The following ATL2 variants were observed in gnomAD, a reference collection of about 807,000 sequenced individuals.
ATL2 encodes the protein atlastin-2.
Under a neutral mutation model 73.9 loss-of-function variants are expected in ATL2, and 31 were observed. The observed-to-expected ratio is 0.42, with a 90% confidence interval of 0.32 to 0.57. The LOEUF (loss-of-function observed/expected upper bound fraction) is 0.57, where lower values mean the gene tolerates loss of function less well. Ranked by LOEUF, ATL2 falls within the 20% of genes least tolerant of loss-of-function variation. The probability of loss-of-function intolerance (pLI) is 0.14; values close to 1 mark genes in which losing one functional copy is unlikely to be tolerated. For synonymous variants in ATL2, 291 were observed against 237.5 expected (o/e 1.23, Z -2.07); for missense variants, 738 against 702.6 (o/e 1.05, Z -0.57).
At chr2:38,325,064 TA>T (rs1668521102) in intron 2 of ATL2, among the ~76,000 whole-genome samples, 1 of 152,172 alleles carries the variant, frequency 6.6e-6, no homozygotes, top group African/African-American at 2.4e-5. Context: ...ACCACAATTT[TA>T]AAAAAAGTTG....
intron 6 of ATL2, among the ~76,000 whole-genome samples, chr2:38,313,586 T>C (rs1667871016): frequency 6.6e-6 from 1 of 152,196 alleles, no homozygotes; most frequent in Admixed American, 6.5e-5. Flanking sequence ...GACCAACTAA[T>C]TCTAGATGGC....
At chr2:38,319,960 T>C (rs1032125306) in intron 2 of ATL2, among the ~76,000 whole-genome samples, 3 of 151,964 alleles carry the variant, frequency 2.0e-5, no homozygotes, top group African/African-American at 4.8e-5. Context: ...ATACAAAAAT[T>C]AGCCAGGTGT....
chr2:38,298,952 C>T (rs1016443404), intron 11 of ATL2, among the ~76,000 whole-genome samples: 5 of 152,174 alleles, frequency 3.3e-5, no homozygotes, highest in African/African-American at 1.2e-4. Flanking sequence ...GAAACTGCTA[C>T]TGGCCTTAAA....
chr2:38,337,622 G>GACACATA (rs1669446761), intron 2 of ATL2, among the ~76,000 whole-genome samples: 1 of 149,016 alleles, frequency 6.7e-6, no homozygotes, highest in Non-Finnish European at 1.5e-5. Flanking sequence ...ATTTTTAAGA[G>GACACATA]ACACATACTG....
intron 9 of ATL2, among the ~76,000 whole-genome samples, chr2:38,306,644 A>C (rs1190210769): frequency 1.3e-5 from 2 of 152,248 alleles, no homozygotes; most frequent in African/African-American, 4.8e-5. Flanking sequence ...AATGAAGAAC[A>C]AAAACCATAT....
At chr2:38,365,537 T>C (rs1390952505) in intron 1 of ATL2, among the ~76,000 whole-genome samples, 3 of 152,086 alleles carry the variant, frequency 2.0e-5, no homozygotes, top group Admixed American at 2.0e-4. Context: ...ACACCTGTAA[T>C]CTTAGCACTT....
intron 1 of ATL2, among the ~76,000 whole-genome samples, chr2:38,348,512 C>T (rs1429441703): frequency 6.6e-6 from 1 of 151,484 alleles, no homozygotes; most frequent in Non-Finnish European, 1.5e-5. Context: ...TAAAAAAGAA[C>T]TCAAAAGTAA....
At chr2:38,332,138 T>C (rs991205877) in intron 2 of ATL2, among the ~76,000 whole-genome samples, 1 of 151,856 alleles carries the variant, frequency 6.6e-6, no homozygotes, top group East Asian at 1.9e-4. Flanking sequence ...TTCCTTCAGG[T>C]TGAGGGTTTG....
intron 1 of ATL2, among the ~76,000 whole-genome samples, chr2:38,345,458 T>C (rs1669965460): frequency 6.6e-6 from 1 of 152,210 alleles, no homozygotes; most frequent in Admixed American, 6.5e-5. Context: ...CGAGGCACCT[T>C]TAACTGTATA....
chr2:38,347,753 A>C (rs1670106881), intron 1 of ATL2, among the ~76,000 whole-genome samples: 1 of 149,868 alleles, frequency 6.7e-6, no homozygotes, highest in Non-Finnish European at 1.5e-5. Context: ...CAGGAGTCTT[A>C]CATCTGCCCT....
At chr2:38,376,009 C>T in intron 1 of ATL2, 1 of 1,289,256 alleles carries the variant, frequency 7.8e-7, no homozygotes, top group South Asian at 2.4e-5. Flanking sequence ...TACCAAAATG[C>T]TTTACATTTT....
intron 2 of ATL2, among the ~76,000 whole-genome samples, chr2:38,330,846 T>A (rs950284580): frequency 3.9e-5 from 6 of 152,222 alleles, no homozygotes; most frequent in African/African-American, 9.6e-5. Context: ...GAATCCCAGC[T>A]AACTTCTTGT....
At chr2:38,304,263 GAAA>G (rs991089582) in intron 9 of ATL2, among the ~76,000 whole-genome samples, 1 of 151,522 alleles carries the variant, frequency 6.6e-6, no homozygotes, top group Non-Finnish European at 1.5e-5. Context: ...AAGTGCTGAA[GAAA>G]AAAAACATTT....
chr2:38,327,215 GAGAA>G (rs1458746743), intron 2 of ATL2, among the ~76,000 whole-genome samples: 7 of 152,036 alleles, frequency 4.6e-5, no homozygotes, highest in African/African-American at 1.7e-4. Flanking sequence ...TCTACATAAA[GAGAA>G]AGAGTATCAG....
At chr2:38,326,170 A>G (rs896990779) in intron 2 of ATL2, among the ~76,000 whole-genome samples, 2 of 152,226 alleles carry the variant, frequency 1.3e-5, no homozygotes, top group Non-Finnish European at 2.9e-5. Context: ...GCTCCAATAT[A>G]ATGACAGTGG....
chr2:38,374,640 C>G (rs1289491471), intron 1 of ATL2, among the ~76,000 whole-genome samples: 1 of 152,170 alleles, frequency 6.6e-6, no homozygotes, highest in Non-Finnish European at 1.5e-5. Context: ...AAATGACCAT[C>G]AACAATTTTT....
chr2:38,376,041 C>T lies in ATL2; in HGVS notation c.118+1102G>A, dbSNP rs1344069068. ...TTTTATCCAGCAAAACCTTTACACA[C>T]CGTAAAAAAAGAAATCTTAAGACAC... On this transcript the variant is annotated intron_variant, in intron 1 of 12. Transcript: ENST00000378954. The T allele has an allele frequency of 9.5e-6, 13 of 1,375,364 alleles. No homozygotes were observed. The East Asian group carries it at 3.3e-4, about 35-fold the overall frequency. The allele number at this position is 1,375,364 out of a possible 1,614,324, so 85.2% of individuals were successfully genotyped here. A position where few individuals can be genotyped will look rare whatever the true frequency, so the allele number is the denominator to read the frequency against.
intron 1 of ATL2, among the ~76,000 whole-genome samples, chr2:38,371,851 C>G (rs771150885): frequency 6.6e-6 from 1 of 152,162 alleles, no homozygotes; most frequent in African/African-American, 2.4e-5. Flanking sequence ...GAGCCAAGAT[C>G]ACGCCACTGT....
Position 38,343,491 on chromosome 2 carries a change from T to C in ATL2, c.140A>G (p.Asp47Gly), listed in dbSNP as rs1208239376. 1.6e-5 allele frequency: 25 copies of C among 1,604,942 alleles called. 2 individuals carry two copies. The East Asian group carries it at 5.6e-4, about 36-fold the overall frequency. Residue 47 changes from aspartate to glycine, a missense_variant, in exon 2 of 13, where the codon GAC (aspartate) becomes GGC (glycine). By Grantham distance (94) the Asp-to-Gly change is moderately conservative. Transcript: ENST00000378954. ...CATAACCTCATCAGAATTTACTAGG[T>C]CATCATCTTCATAATTCTCACCTAG... ...TSLGENYEDD[D>G]LVNSDEVMKK...
Sources: gnomAD v4.1 joint callset for allele counts (sites outside exome capture counted in the v4.1 genomes callset) on GRCh38, gnomAD v4.1.1 for gene constraint, MANE v1.5 for transcripts, NCBI Gene and HGNC (gene_info 2026-07-23, HGNC 2026-07-21) for gene names.